CYP27A1: variants seen among roughly 807,000 people sequenced by gnomAD.
CYP27A1 encodes the protein sterol 26-hydroxylase, mitochondrial.
Under a neutral mutation model 58.2 loss-of-function variants are expected in CYP27A1, and 46 were observed. That is an observed-to-expected ratio of 0.79 (90% CI 0.62 to 1.01). The LOEUF is 1.01. Among genes scored for constraint, CYP27A1 ranks in the 50% least tolerant of loss-of-function variants. The pLI, the probability that CYP27A1 is intolerant of heterozygous loss-of-function variation, is 0.00. For missense variants in CYP27A1, 704 were observed against 687.0 expected, an observed-to-expected ratio of 1.02 and a Z score of -0.28; for synonymous variants, 274 against 285.1, an observed-to-expected ratio of 0.96 and a Z score of 0.39.
intron 1 of CYP27A1, among the ~76,000 whole-genome samples, chr2:218,789,041 T>C (rs1014444948): frequency 2.0e-5 from 3 of 152,256 alleles, no homozygotes; most frequent in African/African-American, 7.2e-5. Flanking sequence ...GTGTGAGTTA[T>C]GCCAATTTAG....
chr2:218,782,527 G>C lies in CYP27A1; in HGVS notation c.255+90G>C, dbSNP rs967431301. The C allele has an allele frequency of 1.6e-5, 25 of 1,555,692 alleles. No homozygotes were observed. In the African/African-American group the frequency reaches 3.3e-4, roughly 20 times the overall value. ...GAGAAGACGTTGGACAGAAAGTGAA[G>C]GCTGCAGGAACTCAGCTGGGGACCC... On this transcript the variant is annotated intron_variant, in intron 1 of 8. Transcript: ENST00000258415. This position sits in a 1 kb window ranked among gnomAD's most constrained non-coding sequence, Gnocchi z 4.1.
chr2:218,799,567 C>T (rs972576424), intron 1 of CYP27A1, among the ~76,000 whole-genome samples: 1 of 152,104 alleles, frequency 6.6e-6, no homozygotes, highest in Non-Finnish European at 1.5e-5. Context: ...AGGGGGCAGC[C>T]GGCAGGTTAA....
chr2:218,799,712 T>C (rs1416644256), intron 1 of CYP27A1, among the ~76,000 whole-genome samples: 5 of 152,180 alleles, frequency 3.3e-5, no homozygotes, highest in African/African-American at 1.2e-4. Context: ...TGTTTCTTTT[T>C]TTTTTCTGGA....
intron 1 of CYP27A1, among the ~76,000 whole-genome samples, chr2:218,804,318 G>A (rs1943629958): frequency 6.6e-6 from 1 of 152,112 alleles, no homozygotes; most frequent in African/African-American, 2.4e-5. Context: ...CCCATTGAAT[G>A]GTCTGTGCAC....
chr2:218,812,564 T>A lies in CYP27A1; in HGVS notation c.659T>A (p.Ile220Asn), dbSNP rs1559392536. Residue 220 changes from isoleucine to asparagine, a missense_variant, in exon 4 of 9, where the codon ATC (isoleucine) becomes AAC (asparagine). By Grantham distance (149) the Ile-to-Asn change is moderately radical. Transcript: ENST00000258415. ...YYFALEAICY[I>N]LFEKRIGCLQ... ...GTGCACTACTCAGCTATTTGCTACA[T>A]CCTGTTCGAGAAACGCATTGGCTGC... 1.2e-6 allele frequency: 2 copies of A among 1,614,190 alleles called. No homozygotes were observed. The highest frequency in any genetic ancestry group is 1.7e-6 in the Non-Finnish European group (2 of 1,180,034).
At chr2:218,786,186 G>T (rs1305398087) in intron 1 of CYP27A1, among the ~76,000 whole-genome samples, 2 of 152,204 alleles carry the variant, frequency 1.3e-5, no homozygotes, top group Non-Finnish European at 2.9e-5. Flanking sequence ...TGCAGGAGTT[G>T]GTTGACTGGC....
rs1234686639 is a variant in CYP27A1, at chr2:218,807,585, C to T, written c.256-1992C>T. ...ACACACTAAGCAGTCTGACCCCCTC[C>T]GCTGCTCCCCTGACCCTCCCATAGT... On this transcript the variant is annotated intron_variant, in intron 1 of 8. Coordinates refer to ENST00000258415, the MANE Select transcript of CYP27A1 (RefSeq NM_000784.4). Among the ~76,000 whole-genome samples the T allele has an allele frequency of 4.6e-5, 7 of 152,258 alleles. No homozygotes were observed. In the East Asian group the frequency reaches 5.8e-4, roughly 13 times the overall value.
rs1472625756 is a variant in CYP27A1, at chr2:218,815,240, CA to C, written c.*211del. The C allele has an allele frequency of 6.7e-5, 40 of 593,260 alleles. No individual in the cohort carries two copies. The allele number at this position is 593,260 out of a possible 1,614,324, so 36.7% of individuals were successfully genotyped here. A position where few individuals can be genotyped will look rare whatever the true frequency, so the allele number is the denominator to read the frequency against. On this transcript the variant is annotated 3_prime_UTR_variant, in exon 9 of 9. Transcript: ENST00000258415. ...CAGCTAAAAGGCCACCCCTTTATCG[CA>C]TTGCTGTCCTTGGGTAGAATATAAA...
At position 218,782,168 on chromosome 2, in the gene CYP27A1, G is replaced by A. The variant is rs1428307181; in HGVS notation, c.-15G>A. On this transcript the variant is annotated 5_prime_UTR_variant, in exon 1 of 9. Coordinates refer to ENST00000258415, the MANE Select transcript of CYP27A1 (RefSeq NM_000784.4). This position sits in a 1 kb window ranked among gnomAD's most constrained non-coding sequence, Gnocchi z 4.1. ...CAGCACTCGACCCAAAGGTGCAGGC[G>A]CGCGAGCACAACCCATGGCTGCGCT... 2.6e-6 allele frequency: 4 copies of A among 1,534,462 alleles called. No homozygotes were observed. The highest frequency in any genetic ancestry group is 2.5e-5 in the East Asian group (1 of 40,786).
intron 1 of CYP27A1, among the ~76,000 whole-genome samples, chr2:218,801,057 C>T (rs972495213): frequency 5.9e-5 from 9 of 152,140 alleles, no homozygotes; most frequent in Non-Finnish European, 8.8e-5. Flanking sequence ...TGTTTGTGTA[C>T]ATTCTCAATT....
intron 5 of CYP27A1, among the ~76,000 whole-genome samples, chr2:218,813,383 A>C (rs1311371231): frequency 6.6e-6 from 1 of 152,126 alleles, no homozygotes; most frequent in Non-Finnish European, 1.5e-5. Flanking sequence ...TCTTGCTGCA[A>C]TTTGAATGGA....
At chr2:218,789,896 G>T (rs181854241) in intron 1 of CYP27A1, among the ~76,000 whole-genome samples, 1 of 152,268 alleles carries the variant, frequency 6.6e-6, no homozygotes, top group East Asian at 1.9e-4. Context: ...AGAGTAGAGG[G>T]TACCTCCTTA....
chr2:218,795,525 C>A (rs989933683), intron 1 of CYP27A1, among the ~76,000 whole-genome samples: 1 of 152,138 alleles, frequency 6.6e-6, no homozygotes, highest in Non-Finnish European at 1.5e-5. Flanking sequence ...AAAAGGAAAC[C>A]TCCAAGTGAT....
At chr2:218,794,256 A>C (rs1160501022) in intron 1 of CYP27A1, among the ~76,000 whole-genome samples, 1 of 152,208 alleles carries the variant, frequency 6.6e-6, no homozygotes, top group Non-Finnish European at 1.5e-5. Context: ...ACTCTAAAGA[A>C]GTACTTCTAA....
chr2:218,814,471 A>G lies in CYP27A1; in HGVS notation c.1263+13A>G, dbSNP rs749137244. 1.2e-6 allele frequency: 2 copies of G among 1,613,918 alleles called. No individual in the cohort carries two copies. Among genetic ancestry groups the G allele is most frequent in the Non-Finnish European group, 8.5e-7 (1 of 1,179,742 alleles). ...CTTCCCCAAGAACGTGAGTGGGGCT[A>G]GAGAGCCCGATTGCCCAGGAGTGCC... On this transcript the variant is annotated intron_variant, in intron 7 of 8. Transcript: ENST00000258415.
rs1167915356 is a variant in CYP27A1 at position 218,812,726 on chromosome 2, G to A, written c.821G>A (p.Gly274Asp). The change falls in exon 4 of 9, where the codon GGT (glycine) becomes GAT (aspartate). Residue 274 changes from glycine to aspartate, a missense_variant. Transcript: ENST00000258415. ...CCTTTCTGGAAGCGATACCTGGATG[G>A]TTGGAATGCCATCTTTTCCTTTGGT... ...VLPFWKRYLD[G>D]WNAIFSFGKK... The A allele has an allele frequency of 6.2e-7, 1 of 1,614,250 alleles. No individual in the cohort carries two copies. Among genetic ancestry groups the A allele is most frequent in the Non-Finnish European group, 8.5e-7 (1 of 1,180,054 alleles).
chr2:218,814,379 G>A lies in CYP27A1; in HGVS notation c.1185-1G>A, dbSNP rs587778779. Reference sequence around the variant, plus strand: ...GACTCCAGACATTCTTTTCCCTGCAGTCTCTACCCTGTGGTCCCCACAAAC... The same window carrying A: ...GACTCCAGACATTCTTTTCCCTGCAATCTCTACCCTGTGGTCCCCACAAAC... On this transcript the variant is annotated splice_acceptor_variant, in intron 6 of 8. Transcript: ENST00000258415. LOFTEE classifies it high-confidence loss of function. 1.2e-6 allele frequency: 2 copies of A among 1,614,014 alleles called. No homozygotes were observed. Among genetic ancestry groups the A allele is most frequent in the Admixed American group, 1.7e-5 (1 of 60,010 alleles).
At chr2:218,787,101 T>C (rs1318187896) in intron 1 of CYP27A1, among the ~76,000 whole-genome samples, 1 of 152,240 alleles carries the variant, frequency 6.6e-6, no homozygotes, top group Non-Finnish European at 1.5e-5. Flanking sequence ...ATCATGTATC[T>C]TGTTTCTTAT....
In CYP27A1 at chr2:218,814,028, A is replaced by G. The variant is rs778458082; in HGVS notation, c.1025A>G (p.Asn342Ser). 42 of 1,613,894 alleles carry G rather than the reference A, an allele frequency of 2.6e-5. No homozygotes were observed. The Admixed American group carries it at 4.8e-4, about 19-fold the overall frequency. The change falls in exon 6 of 9, where the codon AAC (asparagine) becomes AGC (serine). Residue 342 changes from asparagine (N) to serine (S), a missense_variant. By Grantham distance (46) the Asn-to-Ser change is conservative. Coordinates refer to ENST00000258415, the MANE Select transcript of CYP27A1 (RefSeq NM_000784.4). ...TCCCACTCTATCTTCTAGACATCCAACACGCTGACATGGGCCCTGTACCAC... is the reference window on the plus strand; with the variant it reads ...TCCCACTCTATCTTCTAGACATCCAGCACGCTGACATGGGCCCTGTACCAC... ...LLMAGVDTTSNTLTWALYHLS... is the reference protein window; with the variant it reads ...LLMAGVDTTSSTLTWALYHLS...
Sources: allele counts gnomAD v4.1 joint callset (sites outside exome capture counted in the v4.1 genomes callset), GRCh38; gene constraint gnomAD v4.1.1; non-coding constraint Gnocchi (gnomAD v3.1); transcripts MANE v1.5; gene names NCBI Gene and HGNC (gene_info 2026-07-23, HGNC 2026-07-21).